Variants in POLH observed in about 807,000 individuals in gnomAD.
The protein encoded by POLH is DNA polymerase eta.
In POLH, 53 loss-of-function variants were observed where a neutral mutation model predicts 73.6. The observed-to-expected ratio is 0.72, with a 90% CI of 0.58 to 0.91. The LOEUF is 0.91. Among genes scored for constraint, POLH ranks in the 40% least tolerant of loss-of-function variants. The pLI is 0.00. For missense variants in POLH, 768 were observed against 865.4 expected (o/e 0.89, Z 1.41); for synonymous variants, 292 against 308.5 (o/e 0.95, Z 0.56).
At chr6:43,593,878 C>CAAAAAAAAAAAAAA (rs768129925) in intron 4 of POLH, among the ~76,000 whole-genome samples, 2 of 85,138 alleles carry the variant, frequency 2.3e-5, no homozygotes, top group African/African-American at 7.7e-5. Flanking sequence ...GACTCCGTCT[C>CAAAAAAAAAAAAAA]AAAAAAAAAA....
intron 3 of POLH, among the ~76,000 whole-genome samples, chr6:43,585,637 C>CT (rs1208848737): frequency 0.026 from 2,751 of 107,396 alleles, 50 homozygotes; most frequent in South Asian, 0.036. Context: ...TCTTTCTTTT[C>CT]TTTTTTTTTT....
At position 43,587,349 on chromosome 6, in the gene POLH, C is replaced by T; in HGVS notation, c.350C>T (p.Ala117Val). The T allele has an allele frequency of 1.2e-6, 2 of 1,614,010 alleles. No homozygotes were observed. The highest frequency in any genetic ancestry group is 1.7e-6 in the Non-Finnish European group (2 of 1,179,840). ...ATTGAACGTGCCAGCATTGATGAGG[C>T]TTACGTAGATCTGACCAGTGCTGTA... ...AVIERASIDE[A>V]YVDLTSAVQE... Residue 117 changes from alanine (A) to valine (V), a missense_variant, in exon 4 of 11, where the codon GCT becomes GTT. Coordinates refer to ENST00000372236, the MANE Select transcript of POLH (RefSeq NM_006502.3).
intron 9 of POLH, among the ~76,000 whole-genome samples, chr6:43,607,164 G>A (rs190664257): frequency 6.6e-6 from 1 of 152,276 alleles, no homozygotes; most frequent in East Asian, 1.9e-4. Context: ...GTGCAGTCTC[G>A]GCTCACTGCA....
In POLH at chr6:43,620,322, G is replaced by C. The variant is rs1768631140; in HGVS notation, c.*5765G>C. 1 of 515,272 alleles carries C rather than the reference G, an allele frequency of 1.9e-6. No individual in the cohort carries two copies. The highest frequency in any genetic ancestry group is 3.9e-6 in the Non-Finnish European group (1 of 259,176). The allele number at this position is 515,272 out of a possible 1,614,324, so 31.9% of individuals were successfully genotyped here. A position where few individuals can be genotyped will look rare whatever the true frequency, so the allele number is the denominator to read the frequency against. On this transcript the variant is annotated 3_prime_UTR_variant, in exon 11 of 11. Transcript: ENST00000372236. ...GGCCACAATACTTGGTTACAATACT[G>C]GAACTCTGAACCTATGTGGAGGAGA...
At chr6:43,577,178 A>C (rs1430459333) in intron 1 of POLH, among the ~76,000 whole-genome samples, 1 of 152,248 alleles carries the variant, frequency 6.6e-6, no homozygotes, top group Admixed American at 6.5e-5. Context: ...ACTCCGTCTC[A>C]AAAATAAATA....
At position 43,597,724 on chromosome 6, in the gene POLH, A is replaced by G. The variant is rs748225581; in HGVS notation, c.519A>G (p.Gln173=). ...KEGMRKQGLF[Q]WLDSLQIDNL... ...GGATGCGAAAACAAGGCTTATTTCAATGGCTCGATTCTCTTCAGATTGATA... is the reference window on the plus strand; with the variant it reads ...GGATGCGAAAACAAGGCTTATTTCAGTGGCTCGATTCTCTTCAGATTGATA... The change falls in exon 5 of 11, where the codon CAA becomes CAG. Residue 173 remains glutamine, a synonymous_variant. Coordinates refer to ENST00000372236, the MANE Select transcript of POLH (RefSeq NM_006502.3). 1 of 1,614,130 alleles carries G rather than the reference A, an allele frequency of 6.2e-7. No individual in the cohort carries two copies. The highest frequency in any genetic ancestry group is 1.3e-5 in the African/African-American group (1 of 75,058).
At chr6:43,607,006 C>A (rs1225692387) in intron 9 of POLH, among the ~76,000 whole-genome samples, 1 of 152,168 alleles carries the variant, frequency 6.6e-6, no homozygotes, top group Non-Finnish European at 1.5e-5. Flanking sequence ...AATATGTGGT[C>A]TTTTGTGACT....
intron 9 of POLH, among the ~76,000 whole-genome samples, chr6:43,609,138 C>G (rs1767618978): frequency 6.6e-6 from 1 of 152,156 alleles, no homozygotes; most frequent in Admixed American, 6.5e-5. Context: ...ACAGCAGCAG[C>G]CTCCATCACT....
rs200116093 is a variant in POLH at position 43,604,753 on chromosome 6, T to C, written c.1008+15T>C. 9.9e-6 allele frequency: 16 copies of C among 1,614,024 alleles called. No individual in the cohort carries two copies. In the East Asian group the frequency reaches 3.3e-4, roughly 34 times the overall value. ...CTCGGGAACAGGTAAGCTGGCATTC[T>C]TGACAGAACACTACCTCTTTTAAAG... On this transcript the variant is annotated intron_variant, in intron 8 of 10. Transcript: ENST00000372236.
intron 4 of POLH, among the ~76,000 whole-genome samples, chr6:43,597,361 C>T (rs995019160): frequency 1.3e-5 from 2 of 152,310 alleles, no homozygotes. Flanking sequence ...GTGATCCACC[C>T]GCCTTGCTCT....
rs1446542886 is a variant in POLH at position 43,582,339 on chromosome 6, G to A, written c.20G>A (p.Arg7Gln). 6 of 1,614,006 alleles carry A rather than the reference G, an allele frequency of 3.7e-6. No individual in the cohort carries two copies. Among genetic ancestry groups the A allele is most frequent in the African/African-American group, 1.3e-5 (1 of 74,908 alleles). ...AGAAAAATGGCTACTGGACAGGATCGAGTGGTTGCTCTCGTGGACATGGAC... is the reference window on the plus strand; with the variant it reads ...AGAAAAATGGCTACTGGACAGGATCAAGTGGTTGCTCTCGTGGACATGGAC... MATGQD[R>Q]VVALVDMDCF... Residue 7 changes from arginine to glutamine, a missense_variant, in exon 2 of 11, where the codon CGA becomes CAA. Transcript: ENST00000372236.
rs760741485 is a variant in POLH, at chr6:43,618,590, G to C, written c.*4033G>C. 1.3e-5 allele frequency among the ~76,000 whole-genome samples: 2 copies of C among 152,106 alleles called. No individual in the cohort carries two copies. Among genetic ancestry groups the C allele is most frequent in the African/African-American group, 2.4e-5 (1 of 41,402 alleles). Reference sequence around the variant, plus strand: ...GAAGTAGGTGGCGCTGGGTGAAGTGGGCCCAGAGAATGGTGTACACATCCC... The same window carrying C: ...GAAGTAGGTGGCGCTGGGTGAAGTGCGCCCAGAGAATGGTGTACACATCCC... On this transcript the variant is annotated 3_prime_UTR_variant, in exon 11 of 11. Transcript: ENST00000372236.
chr6:43,591,989 C>G (rs1404881129), intron 4 of POLH, among the ~76,000 whole-genome samples: 1 of 152,090 alleles, frequency 6.6e-6, no homozygotes, highest in African/African-American at 2.4e-5. Context: ...ACTTTTCTTA[C>G]CTATGTACAT....
rs1768503951 is a variant in POLH, at chr6:43,618,646, T to G, written c.*4089T>G. Among the ~76,000 whole-genome samples, 1 of 152,130 alleles carries G rather than the reference T, an allele frequency of 6.6e-6. No homozygotes were observed. Among genetic ancestry groups the G allele is most frequent in the South Asian group, 2.1e-4 (1 of 4,830 alleles). On this transcript the variant is annotated 3_prime_UTR_variant, in exon 11 of 11. Coordinates refer to ENST00000372236, the MANE Select transcript of POLH (RefSeq NM_006502.3). ...TACATATACCCAAACTTCTATTTTT[T>G]TATGTGACGGAGTTTCTCTCATCGC... is the stretch of plus-strand genomic sequence containing the variant.
intron 5 of POLH, among the ~76,000 whole-genome samples, chr6:43,600,333 G>A (rs1361038129): frequency 6.6e-6 from 1 of 151,912 alleles, no homozygotes; most frequent in African/African-American, 2.4e-5. Context: ...CAGGAGAATT[G>A]TGTGAACCCG....
chr6:43,582,569 C>T (rs1057380709), intron 2 of POLH, 113 bp downstream of exon 2: 44 of 1,089,292 alleles, frequency 4.0e-5, no homozygotes, highest in Middle Eastern at 4.0e-4. Context: ...TCTCTGTTGT[C>T]CCATCCAGAG....
rs1249636052 is a variant in POLH at position 43,617,375 on chromosome 6, CCA to C, written c.*2822_*2823del. Among the ~76,000 whole-genome samples the C allele has an allele frequency of 1.6e-3, 244 of 152,236 alleles. No homozygotes were observed. The highest frequency in any genetic ancestry group is 5.5e-3 in the African/African-American group (229 of 41,532). On this transcript the variant is annotated 3_prime_UTR_variant, in exon 11 of 11. Coordinates refer to ENST00000372236, the MANE Select transcript of POLH (RefSeq NM_006502.3). Reference sequence around the variant, plus strand: ...GGTGTGGTGGCTCATGCCTGTAATCCCACACTTTGGGAGGCCAAGGTGGGCGG... The same window carrying C: ...GGTGTGGTGGCTCATGCCTGTAATCCCACTTTGGGAGGCCAAGGTGGGCGG...
rs1328259699 is a variant in POLH at position 43,618,597 on chromosome 6, A to C, written c.*4040A>C. Among the ~76,000 whole-genome samples, 1 of 152,212 alleles carries C rather than the reference A, an allele frequency of 6.6e-6. No individual in the cohort carries two copies. The highest frequency in any genetic ancestry group is 1.5e-5 in the Non-Finnish European group (1 of 68,044). ...GTGGCGCTGGGTGAAGTGGGCCCAG[A>C]GAATGGTGTACACATCCCTCCCATA... On this transcript the variant is annotated 3_prime_UTR_variant, in exon 11 of 11. Coordinates refer to ENST00000372236, the MANE Select transcript of POLH (RefSeq NM_006502.3).
At chr6:43,591,850 C>G (rs1765495837) in intron 4 of POLH, among the ~76,000 whole-genome samples, 1 of 152,152 alleles carries the variant, frequency 6.6e-6, no homozygotes, top group Non-Finnish European at 1.5e-5. Context: ...ACTAGTCTTA[C>G]ACATTATATT....
Sources: allele counts gnomAD v4.1 joint callset (sites outside exome capture counted in the v4.1 genomes callset), GRCh38; gene constraint gnomAD v4.1.1; transcripts MANE v1.5; gene names NCBI Gene and HGNC (gene_info 2026-07-23, HGNC 2026-07-21).